The following LEKR1 variants were observed in gnomAD, a reference collection of about 807,000 sequenced individuals.
The protein encoded by LEKR1 is leucine, glutamate and lysine rich 1, also known as protein LEKR1.
LEKR1 carries 59 observed loss-of-function variants against 72.4 expected under a neutral mutation model. The observed-to-expected ratio is 0.82, with a 90% confidence interval of 0.66 to 1.01. The LOEUF (loss-of-function observed/expected upper bound fraction) is 1.01. Among genes scored for constraint, LEKR1 ranks in the 50% least tolerant of loss-of-function variants. LEKR1 has a pLI of 0.00. For synonymous variants in LEKR1, 257 were observed against 263.2 expected, an observed-to-expected ratio of 0.98 and a Z score of 0.23; for missense variants, 728 against 759.2, an observed-to-expected ratio of 0.96 and a Z score of 0.48.
intron 6 of LEKR1, among the ~76,000 whole-genome samples, chr3:156,954,941 T>C (rs1263270516): frequency 6.6e-6 from 1 of 152,104 alleles, no homozygotes; most frequent in Non-Finnish European, 1.5e-5. Flanking sequence ...ATAAATTACT[T>C]TGGGCAGTAT....
chr3:156,910,739 G>A (rs535088444), intron 3 of LEKR1, among the ~76,000 whole-genome samples: 9 of 152,072 alleles, frequency 5.9e-5, no homozygotes, highest in Middle Eastern at 3.4e-3. Flanking sequence ...TTCTTTATCC[G>A]GTCCATCACT....
At chr3:156,954,474 G>C (rs1727443613) in intron 6 of LEKR1, among the ~76,000 whole-genome samples, 1 of 151,856 alleles carries the variant, frequency 6.6e-6, no homozygotes, top group African/African-American at 2.4e-5. Flanking sequence ...TTTCTTCTAG[G>C]GTTTTTATAG....
chr3:156,919,343 T>A (rs1395042844), intron 3 of LEKR1, among the ~76,000 whole-genome samples: 1 of 150,418 alleles, frequency 6.6e-6, no homozygotes, highest in African/African-American at 2.5e-5. Flanking sequence ...TGGTTTAAGG[T>A]CTACTTTGTA....
intron 6 of LEKR1, among the ~76,000 whole-genome samples, chr3:156,964,816 G>A (rs192605688): frequency 1.3e-5 from 2 of 152,300 alleles, no homozygotes; most frequent in Admixed American, 1.3e-4. Flanking sequence ...TGATGTTTAT[G>A]TAGTTATGTA....
At chr3:156,959,741 TTAAC>T (rs1727948381) in intron 6 of LEKR1, among the ~76,000 whole-genome samples, 1 of 152,214 alleles carries the variant, frequency 6.6e-6, no homozygotes, top group Non-Finnish European at 1.5e-5. Context: ...TATCCTTTTT[TTAAC>T]TAACATGAAA....
At chr3:156,975,048 C>T (rs2107995452) in intron 6 of LEKR1, among the ~76,000 whole-genome samples, 1 of 152,120 alleles carries the variant, frequency 6.6e-6, no homozygotes, top group East Asian at 1.9e-4. Flanking sequence ...AACTATTCCC[C>T]TTCTTTACAT....
At chr3:156,878,165 G>A (rs1383783194) in intron 3 of LEKR1, among the ~76,000 whole-genome samples, 2 of 151,670 alleles carry the variant, frequency 1.3e-5, no homozygotes, top group African/African-American at 4.8e-5. Context: ...TTTTCTGCTG[G>A]GTTTGGGTTT....
chr3:156,897,878 G>A (rs1018583704), intron 3 of LEKR1, among the ~76,000 whole-genome samples: 9 of 151,956 alleles, frequency 5.9e-5, no homozygotes, highest in Non-Finnish European at 1.2e-4. Flanking sequence ...GCTTGAATCC[G>A]GGAGGCAGAG....
chr3:157,034,411 C>G (rs1166371501), intron 12 of LEKR1, among the ~76,000 whole-genome samples: 2 of 152,116 alleles, frequency 1.3e-5, no homozygotes, highest in African/African-American at 2.4e-5. Context: ...GATTCCAGCT[C>G]TCATGGATGA....
At chr3:156,891,225 G>A (rs1403349591) in intron 3 of LEKR1, among the ~76,000 whole-genome samples, 1 of 152,064 alleles carries the variant, frequency 6.6e-6, no homozygotes, top group Non-Finnish European at 1.5e-5. Context: ...AACTAGAAAA[G>A]CATCTTTGTG....
intron 3 of LEKR1, among the ~76,000 whole-genome samples, chr3:156,918,090 A>C (rs756848818): frequency 6.6e-6 from 1 of 152,162 alleles, no homozygotes; most frequent in Non-Finnish European, 1.5e-5. Flanking sequence ...AGACAACAAA[A>C]AGTTATACAA....
chr3:156,891,343 A>G (rs1358007883), intron 3 of LEKR1, among the ~76,000 whole-genome samples: 1 of 152,200 alleles, frequency 6.6e-6, no homozygotes, highest in Admixed American at 6.5e-5. Context: ...GGGTTATATC[A>G]TTCCATAGGT....
Position 156,863,467 on chromosome 3 carries a change from T to C in LEKR1, c.263+10485T>C, listed in dbSNP as rs572969064. Among the ~76,000 whole-genome samples the C allele has an allele frequency of 7.9e-5, 12 of 152,202 alleles. No individual in the cohort carries two copies. In the South Asian group the frequency reaches 1.9e-3, roughly 24 times the overall value. On this transcript the variant is annotated intron_variant, in intron 3 of 12. Transcript: ENST00000356539. ...ACAAGTCAGATCATGTTATTTTAGC[T>C]TAAGAACAGGTTAATTTTTATTTGT...
At chr3:156,957,103 T>C (rs1727716349) in intron 6 of LEKR1, among the ~76,000 whole-genome samples, 1 of 152,016 alleles carries the variant, frequency 6.6e-6, no homozygotes, top group African/African-American at 2.4e-5. Flanking sequence ...AAGAAGAAAA[T>C]TATTTTTGTG....
At chr3:156,846,164 T>TTGA in intron 2 of LEKR1, among the ~76,000 whole-genome samples, 1 of 152,306 alleles carries the variant, frequency 6.6e-6, no homozygotes, top group Non-Finnish European at 1.5e-5. Context: ...GATTGTTCTG[T>TTGA]TTGTATCTTG....
At chr3:156,857,657 T>C (rs982464407) in intron 3 of LEKR1, among the ~76,000 whole-genome samples, 3 of 152,208 alleles carry the variant, frequency 2.0e-5, no homozygotes, top group Non-Finnish European at 4.4e-5. Flanking sequence ...ACTCAAGAAG[T>C]TTTGGATTTT....
chr3:156,869,219 G>A (rs1252789871), intron 3 of LEKR1, among the ~76,000 whole-genome samples: 1 of 151,958 alleles, frequency 6.6e-6, no homozygotes, highest in Admixed American at 6.6e-5. Context: ...ATGTCCTGTA[G>A]TGGGATTGCT....
intron 9 of LEKR1, among the ~76,000 whole-genome samples, chr3:157,005,454 T>C (rs1250029409): frequency 6.6e-6 from 1 of 152,154 alleles, no homozygotes; most frequent in Non-Finnish European, 1.5e-5. Flanking sequence ...TCTTAATTTA[T>C]GAAGCCAGTA....
At chr3:156,874,534 T>A (rs565735317) in intron 3 of LEKR1, among the ~76,000 whole-genome samples, 7 of 113,006 alleles carry the variant, frequency 6.2e-5, no homozygotes, top group Non-Finnish European at 1.3e-4. Context: ...GTGATTTTTT[T>A]AAAAAACTTT....
Sources: allele counts gnomAD v4.1 joint callset (sites outside exome capture counted in the v4.1 genomes callset), GRCh38; gene constraint gnomAD v4.1.1; transcripts MANE v1.5; gene names NCBI Gene and HGNC (gene_info 2026-07-23, HGNC 2026-07-21).